The following NFIX variants were observed in gnomAD, a reference collection of about 807,000 sequenced individuals.
NFIX encodes the protein nuclear factor 1 X-type.
NFIX carries 2 observed loss-of-function variants against 53.3 expected under a neutral mutation model. That is an observed-to-expected ratio of 0.04 (90% confidence interval 0.02 to 0.12). The LOEUF (loss-of-function observed/expected upper bound fraction) is 0.12, where lower values mean the gene tolerates loss of function less well. Ranked by LOEUF, NFIX falls within the 10% of genes least tolerant of loss-of-function variation. NFIX has a pLI of 1.00. For missense variants in NFIX, 310 were observed against 674.5 expected (o/e 0.46, Z 5.99); for synonymous variants, 244 against 289.0 (o/e 0.84, Z 1.58).
At position 12,998,345 on chromosome 19, in the gene NFIX, CT is replaced by C. The variant is rs919185925; in HGVS notation, c.27+2488del. Among the ~76,000 whole-genome samples, 6 of 151,776 alleles carry C rather than the reference CT, an allele frequency of 4.0e-5. No homozygotes were observed. The highest frequency in any genetic ancestry group is 7.3e-5 in the African/African-American group (3 of 41,276). On this transcript the variant is annotated intron_variant, in intron 1 of 10. Transcript: ENST00000592199. This position sits in a 1 kb window ranked among gnomAD's most constrained non-coding sequence, Gnocchi z 4.4. ...CTTTCCCTCTCTCTCTCTCCCTTTT[CT>C]TTTTTTCAAACCAGAATTGGCTTCG...
rs2012474432 is a variant in NFIX, at chr19:13,013,287, G to A, written c.28-11734G>A. Among the ~76,000 whole-genome samples, 1 of 152,156 alleles carries A rather than the reference G, an allele frequency of 6.6e-6. No homozygotes were observed. On this transcript the variant is annotated intron_variant, in intron 1 of 10. Transcript: ENST00000592199. This position sits in a 1 kb window ranked among gnomAD's most constrained non-coding sequence, Gnocchi z 5.9. ...GACCCGACTTAACCTGTTGGTGGAG[G>A]AGGAAGCTGGCGTCGGGCTGAAGTC... is the stretch of plus-strand genomic sequence containing the variant.
In NFIX at chr19:13,025,597, G is replaced by C; in HGVS notation, c.559+45G>C. On this transcript the variant is annotated intron_variant, in intron 2 of 10. Transcript: ENST00000592199. The surrounding 1 kb of genome is among the most constrained non-coding windows in gnomAD (Gnocchi z 7.5). ...TTTTCCCTCTCATTTTATTTTCCTTGCTGGCATTTGTTCTGTTTATTGTTC... is the reference window on the plus strand; with the variant it reads ...TTTTCCCTCTCATTTTATTTTCCTTCCTGGCATTTGTTCTGTTTATTGTTC... The C allele has an allele frequency of 6.3e-7, 1 of 1,580,048 alleles. No individual in the cohort carries two copies. The highest frequency in any genetic ancestry group is 8.6e-7 in the Non-Finnish European group (1 of 1,164,676).
In NFIX at chr19:13,090,915, AG is replaced by A. The variant is rs1287062001; in HGVS notation, c.1494+527del. On this transcript the variant is annotated intron_variant, in intron 10 of 10. Transcript: ENST00000592199. This position sits in a 1 kb window ranked among gnomAD's most constrained non-coding sequence, Gnocchi z 6.6. ...CTAGAGGCCCCTCACCCAAGTCTCC[AG>A]GAGTCCTGTTAGGGAGAAGGCCAGC... is the stretch of plus-strand genomic sequence containing the variant. Among the ~76,000 whole-genome samples the A allele has an allele frequency of 6.6e-6, 1 of 152,166 alleles. No individual in the cohort carries two copies. Among genetic ancestry groups the A allele is most frequent in the South Asian group, 2.1e-4 (1 of 4,838 alleles).
At chr19:13,057,197 G>C (rs1277131875) in intron 2 of NFIX, among the ~76,000 whole-genome samples, 1 of 152,196 alleles carries the variant, frequency 6.6e-6, no homozygotes, top group Non-Finnish European at 1.5e-5. Flanking sequence ...AGCCAGTAGC[G>C]GGTCAGTGGG....
chr19:13,091,114 C>A (rs1449530699), intron 10 of NFIX, among the ~76,000 whole-genome samples: 2 of 152,206 alleles, frequency 1.3e-5, no homozygotes, highest in African/African-American at 4.8e-5. Flanking sequence ...AGGGAAGACC[C>A]ATCTCAGGAG....
chr19:13,017,994 A>G (rs1188642229), intron 1 of NFIX, among the ~76,000 whole-genome samples: 5 of 152,126 alleles, frequency 3.3e-5, no homozygotes, highest in Admixed American at 2.6e-4. Context: ...TTTCATCCCC[A>G]TGCAGCCTGC....
intron 8 of NFIX, among the ~76,000 whole-genome samples, chr19:13,083,752 C>T (rs916220526): frequency 1.3e-5 from 2 of 152,172 alleles, no homozygotes; most frequent in African/African-American, 4.8e-5. Context: ...AGAGGGGGCT[C>T]AGCGGGGAGC....
chr19:13,049,595 CT>C lies in NFIX; in HGVS notation c.560-23436del, dbSNP rs71168649. Among the ~76,000 whole-genome samples the C allele has an allele frequency of 0.91, 112,202 of 122,830 alleles. 51,022 individuals are homozygous for C. Among genetic ancestry groups the C allele is most frequent in the East Asian group, 0.98 (4,186 of 4,276 alleles). 80.6% of individuals were successfully genotyped at this position (122,830 alleles called of 152,430 possible). Reference sequence around the variant, plus strand: ...TTGTAGCAGCAAGTGTCAGTGGTTCCTTTTTTTTTTTTTTTTGAGACAGAGT... The same window carrying C: ...TTGTAGCAGCAAGTGTCAGTGGTTCCTTTTTTTTTTTTTTTGAGACAGAGT... On this transcript the variant is annotated intron_variant, in intron 2 of 10. Transcript: ENST00000592199. The surrounding 1 kb of genome is among the most constrained non-coding windows in gnomAD (Gnocchi z 4.5).
Position 13,088,819 on chromosome 19 carries a change from C to A in NFIX, c.1402+683C>A, listed in dbSNP as rs2017958426. Among the ~76,000 whole-genome samples the A allele has an allele frequency of 6.6e-6, 1 of 152,116 alleles. No homozygotes were observed. The highest frequency in any genetic ancestry group is 2.4e-5 in the African/African-American group (1 of 41,404). ...GGCTGTGGGCTTTGGCTTACTTCAT[C>A]TCTCTCTCTGTCTCTCTTTCTTTTC... On this transcript the variant is annotated intron_variant, in intron 9 of 10. Transcript: ENST00000592199. The surrounding 1 kb of genome is among the most constrained non-coding windows in gnomAD (Gnocchi z 5.9).
rs2011492829 is a variant in NFIX at position 12,996,996 on chromosome 19, C to G, written c.27+1132C>G. Among the ~76,000 whole-genome samples, 1 of 152,244 alleles carries G rather than the reference C, an allele frequency of 6.6e-6. No homozygotes were observed. Among genetic ancestry groups the G allele is most frequent in the Non-Finnish European group, 1.5e-5 (1 of 68,046 alleles). On this transcript the variant is annotated intron_variant, in intron 1 of 10. Transcript: ENST00000592199. This position sits in a 1 kb window ranked among gnomAD's most constrained non-coding sequence, Gnocchi z 5.2. ...GCCAAGCCACAGCTGGTAACAGTCT[C>G]CGAAGAGGGGACATCTAGGGGCTGC...
chr19:13,017,669 T>C (rs1321925144), intron 1 of NFIX, among the ~76,000 whole-genome samples: 1 of 152,214 alleles, frequency 6.6e-6, no homozygotes, highest in Non-Finnish European at 1.5e-5. Flanking sequence ...GGGGATTTGC[T>C]GTGGTGCCTG....
At position 13,068,242 on chromosome 19, in the gene NFIX, G is replaced by A. The variant is rs529805758; in HGVS notation, c.560-4805G>A. Among the ~76,000 whole-genome samples the A allele has an allele frequency of 7.2e-5, 11 of 152,296 alleles. No individual in the cohort carries two copies. In the South Asian group the frequency reaches 1.4e-3, roughly 20 times the overall value. Reference sequence around the variant, plus strand: ...AGAGGCAGTGTCCTCTTGGAAACACGCACAAGCACACGTGCCTGCAAACAG... The same window carrying A: ...AGAGGCAGTGTCCTCTTGGAAACACACACAAGCACACGTGCCTGCAAACAG... On this transcript the variant is annotated intron_variant, in intron 2 of 10. Coordinates refer to ENST00000592199, the MANE Select transcript of NFIX (RefSeq NM_001365902.3). The surrounding 1 kb of genome is among the most constrained non-coding windows in gnomAD (Gnocchi z 4.2).
In NFIX at chr19:12,996,457, T is replaced by G. The variant is rs2011469638; in HGVS notation, c.27+593T>G. On this transcript the variant is annotated intron_variant, in intron 1 of 10. Coordinates refer to ENST00000592199, the MANE Select transcript of NFIX (RefSeq NM_001365902.3). This position sits in a 1 kb window ranked among gnomAD's most constrained non-coding sequence, Gnocchi z 5.2. Reference sequence around the variant, plus strand: ...CCCGGGCGTCTCCCCAAAGTCTTTGTTTAGGCCTCACATGGGAGCGGGGCT... The same window carrying G: ...CCCGGGCGTCTCCCCAAAGTCTTTGGTTAGGCCTCACATGGGAGCGGGGCT... Among the ~76,000 whole-genome samples the G allele has an allele frequency of 6.6e-6, 1 of 151,760 alleles. No homozygotes were observed. The highest frequency in any genetic ancestry group is 2.4e-5 in the African/African-American group (1 of 41,310).
rs1346997129 is a variant in NFIX at position 13,088,167 on chromosome 19, G to A, written c.1402+31G>A. 2.6e-6 allele frequency: 4 copies of A among 1,535,772 alleles called. No homozygotes were observed. Among genetic ancestry groups the A allele is most frequent in the East Asian group, 2.4e-5 (1 of 40,894 alleles). The stretch of plus-strand genomic sequence containing the variant: ...TGGACGATGAAACCGAAACCACAAC[G>A]CCCAGCGTCCCCGGCCCGTCCAAAC... On this transcript the variant is annotated intron_variant, in intron 9 of 10. Coordinates refer to ENST00000592199, the MANE Select transcript of NFIX (RefSeq NM_001365902.3). This position sits in a 1 kb window ranked among gnomAD's most constrained non-coding sequence, Gnocchi z 5.9.
chr19:13,025,393 G>T lies in NFIX; in HGVS notation c.400G>T (p.Val134Leu), dbSNP rs929589127. The stretch of plus-strand genomic sequence containing the variant: ...GGTGTGGCGGCTGGACCTGGTCATG[G>T]TGATTTTGTTTAAGGGGATCCCCCT... Reference protein sequence around the residue: ...DKVWRLDLVMVILFKGIPLES... With the variant: ...DKVWRLDLVMLILFKGIPLES... The change falls in exon 2 of 11, where the codon GTG becomes TTG. Residue 134 changes from valine (V) to leucine (L), a missense_variant. Around this residue, in one of 5 missense-constraint regions of NFIX, gnomAD observed 3 missense variants for 57.4 expected, o/e 0.05. Coordinates refer to ENST00000592199, the MANE Select transcript of NFIX (RefSeq NM_001365902.3). The surrounding 1 kb of genome is among the most constrained non-coding windows in gnomAD (Gnocchi z 7.5). The T allele has an allele frequency of 6.2e-7, 1 of 1,614,058 alleles. No homozygotes were observed. The highest frequency in any genetic ancestry group is 1.7e-5 in the Admixed American group (1 of 60,038).
At chr19:13,054,796 G>A (rs2015547366) in intron 2 of NFIX, among the ~76,000 whole-genome samples, 1 of 152,098 alleles carries the variant, frequency 6.6e-6, no homozygotes, top group Non-Finnish European at 1.5e-5. Flanking sequence ...GGGGACCAAG[G>A]AGGGATGGCC....
chr19:13,094,761 C>G lies in NFIX; in HGVS notation c.*112C>G. ...AGCCCAGCCCAGCCCCACCGAAAAG[C>G]AAAAATTACACGTCGTCAGCCACTC... On this transcript the variant is annotated 3_prime_UTR_variant, in exon 11 of 11. Transcript: ENST00000592199. This position sits in a 1 kb window ranked among gnomAD's most constrained non-coding sequence, Gnocchi z 4.3. 8.5e-7 allele frequency: 1 copy of G among 1,172,462 alleles called. No individual in the cohort carries two copies. Among genetic ancestry groups the G allele is most frequent in the Non-Finnish European group, 1.2e-6 (1 of 826,906 alleles). The allele number at this position is 1,172,462 out of a possible 1,614,324, so 72.6% of individuals were successfully genotyped here.
At position 13,025,295 on chromosome 19, in the gene NFIX, C is replaced by G; in HGVS notation, c.302C>G (p.Pro101Arg). The change falls in exon 2 of 11, where the codon CCC (proline) becomes CGC (arginine). Residue 101 changes from proline to arginine, a missense_variant. Pro to Arg is a moderately radical substitution (Grantham distance 103). Around this residue, in one of 5 missense-constraint regions of NFIX, gnomAD observed 64 missense variants for 144.5 expected, o/e 0.44. Transcript: ENST00000592199. This position sits in a 1 kb window ranked among gnomAD's most constrained non-coding sequence, Gnocchi z 7.5. The stretch of plus-strand genomic sequence containing the variant: ...CTGACCATCACGGGCAAGAAGCCCC[C>G]CTGCTGCGTGCTCTCCAACCCCGAC... ...FVLTITGKKP[P>R]CCVLSNPDQK... is the part of the protein sequence containing the mutation. The G allele has an allele frequency of 6.2e-7, 1 of 1,614,078 alleles. No homozygotes were observed. Among genetic ancestry groups the G allele is most frequent in the Non-Finnish European group, 8.5e-7 (1 of 1,179,938 alleles).
intron 2 of NFIX, among the ~76,000 whole-genome samples, chr19:13,058,388 C>T (rs1034338595): frequency 3.3e-5 from 5 of 152,026 alleles, no homozygotes; most frequent in African/African-American, 7.2e-5. Flanking sequence ...AGCTCACATC[C>T]GTAATCAATG....
Sources: gnomAD v4.1 joint callset for allele counts (sites outside exome capture counted in the v4.1 genomes callset) on GRCh38, gnomAD v4.1.1 for gene constraint, gnomAD v4.1.1 regional missense constraint, Gnocchi (gnomAD v3.1) non-coding constraint, MANE v1.5 for transcripts, NCBI Gene and HGNC (gene_info 2026-07-23, HGNC 2026-07-21) for gene names.